NAV3: variants seen among roughly 807,000 people sequenced by gnomAD.
The protein encoded by NAV3 is neuron navigator 3.
In NAV3, 87 loss-of-function variants were observed where a neutral mutation model predicts 244.7. That is an observed-to-expected ratio of 0.36 (90% CI 0.30 to 0.42). NAV3 has a LOEUF of 0.42. Ranked by LOEUF, NAV3 falls within the 20% of genes least tolerant of loss-of-function variation. NAV3 has a pLI of 1.00. For missense variants in NAV3, 2,663 were observed against 2,893.3 expected, an observed-to-expected ratio of 0.92 and a Z score of 1.83; for synonymous variants, 1,126 against 1,042.2, an observed-to-expected ratio of 1.08 and a Z score of -1.55.
At chr12:78,104,213 T>C (rs1954685734) in intron 12 of NAV3, among the ~76,000 whole-genome samples, 1 of 152,198 alleles carries the variant, frequency 6.6e-6, no homozygotes, top group African/African-American at 2.4e-5. Flanking sequence ...GTTTTACATG[T>C]ACATGTGTAA....
At chr12:78,189,708 C>G (rs931776460) in intron 33 of NAV3, among the ~76,000 whole-genome samples, 4 of 151,832 alleles carry the variant, frequency 2.6e-5, no homozygotes, top group African/African-American at 7.2e-5. Context: ...CCATTTCTCT[C>G]TGGAAACATA....
intron 12 of NAV3, among the ~76,000 whole-genome samples, chr12:78,094,037 G>A (rs73143948): frequency 0.015 from 2,307 of 152,100 alleles, 17 homozygotes; most frequent in Middle Eastern, 0.024. Flanking sequence ...ATGAAGTCTC[G>A]CCATGTGGCC....
chr12:77,817,036 T>A (rs887005976), intron 2 of NAV3, among the ~76,000 whole-genome samples: 1 of 152,210 alleles, frequency 6.6e-6, no homozygotes, highest in Non-Finnish European at 1.5e-5. Context: ...CTCTGGTAGT[T>A]CTTTTTCATT....
At chr12:78,051,277 CAG>C (rs1882722017) in intron 11 of NAV3, 130 bp downstream of exon 11, 1 of 1,039,438 alleles carries the variant, frequency 9.6e-7, no homozygotes, top group African/African-American at 1.6e-5. Flanking sequence ...TGAGGTTATT[CAG>C]AGTGTTGAAG....
chr12:77,995,337 T>G (rs1872176380), intron 6 of NAV3, among the ~76,000 whole-genome samples: 1 of 152,220 alleles, frequency 6.6e-6, no homozygotes, highest in Non-Finnish European at 1.5e-5. Context: ...TATAATAGTT[T>G]AATTTTTTTG....
chr12:77,786,719 C>A (rs1045236257), intron 2 of NAV3, among the ~76,000 whole-genome samples: 1 of 152,072 alleles, frequency 6.6e-6, no homozygotes, highest in Admixed American at 6.6e-5. Flanking sequence ...AGTTTTAAAT[C>A]GCCCTCTTTT....
intron 2 of NAV3, among the ~76,000 whole-genome samples, chr12:77,622,365 T>A (rs2136877082): frequency 6.6e-6 from 1 of 151,960 alleles, no homozygotes; most frequent in African/African-American, 2.4e-5. Flanking sequence ...TTCACCGTGT[T>A]AGCCAGGATG....
intron 2 of NAV3, among the ~76,000 whole-genome samples, chr12:77,817,980 G>A (rs1872585235): frequency 6.6e-6 from 1 of 152,084 alleles, no homozygotes; most frequent in South Asian, 2.1e-4. Context: ...TATTGAGATA[G>A]TACTTTTGAG....
chr12:78,137,126 T>A, intron 18 of NAV3, 51 bp from the exon 19 acceptor site: 1 of 1,513,934 alleles, frequency 6.6e-7, no homozygotes, highest in Non-Finnish European at 8.9e-7. Flanking sequence ...AACCTGCTAT[T>A]TTCATCTTTC....
intron 11 of NAV3, among the ~76,000 whole-genome samples, chr12:78,055,729 G>A (rs1883403750): frequency 6.6e-6 from 1 of 152,174 alleles, no homozygotes; most frequent in Non-Finnish European, 1.5e-5. Context: ...AGGCCTGGAA[G>A]TCATGCATAT....
chr12:77,861,798 A>G (rs1474270999), intron 1 of NAV3, among the ~76,000 whole-genome samples: 1 of 151,784 alleles, frequency 6.6e-6, no homozygotes, highest in Non-Finnish European at 1.5e-5. Flanking sequence ...ACTATTCTAT[A>G]TTTTATCATT....
At chr12:77,586,687 G>C (rs1869629900) in intron 2 of NAV3, among the ~76,000 whole-genome samples, 1 of 152,302 alleles carries the variant, frequency 6.6e-6, no homozygotes, top group East Asian at 1.9e-4. Flanking sequence ...GACTGATACA[G>C]TATCCACTCG....
At chr12:77,840,034 C>G (rs905912674) in intron 1 of NAV3, among the ~76,000 whole-genome samples, 14 of 152,048 alleles carry the variant, frequency 9.2e-5, no homozygotes, top group Non-Finnish European at 2.1e-4. Flanking sequence ...GATCGCGCCA[C>G]TGTACTCCAG....
chr12:77,604,391 A>G (rs182885085), intron 2 of NAV3, among the ~76,000 whole-genome samples: 35 of 152,258 alleles, frequency 2.3e-4, no homozygotes, highest in Admixed American at 7.2e-4. Context: ...AGGAACAAAA[A>G]GAGGATTAAC....
intron 2 of NAV3, among the ~76,000 whole-genome samples, chr12:77,683,749 C>T (rs1377507514): frequency 6.6e-6 from 1 of 151,684 alleles, no homozygotes; most frequent in Non-Finnish European, 1.5e-5. Context: ...TTTTGAGATT[C>T]TTTTGTTTAC....
At chr12:77,915,576 A>G (rs1013586952) in intron 1 of NAV3, among the ~76,000 whole-genome samples, 1 of 150,200 alleles carries the variant, frequency 6.7e-6, no homozygotes, top group African/African-American at 2.4e-5. Context: ...TAGATAGTAT[A>G]TTATTAGCAT....
At chr12:77,620,538 C>T (rs1162039153) in intron 2 of NAV3, among the ~76,000 whole-genome samples, 2 of 152,016 alleles carry the variant, frequency 1.3e-5, no homozygotes, top group African/African-American at 4.8e-5. Context: ...TCTCGGCTCA[C>T]TGCAATCTCC....
chr12:77,909,980 T>C (rs987633489), intron 1 of NAV3, among the ~76,000 whole-genome samples: 2 of 152,132 alleles, frequency 1.3e-5, no homozygotes, highest in Non-Finnish European at 2.9e-5. Context: ...GAGACATCTT[T>C]ACAATGTTCC....
At chr12:78,056,751 G>A (rs186235011) in intron 11 of NAV3, among the ~76,000 whole-genome samples, 15 of 152,038 alleles carry the variant, frequency 9.9e-5, no homozygotes, top group African/African-American at 3.1e-4. Context: ...TTTATGCTAC[G>A]AGTCATGAAA....
Sources: allele counts gnomAD v4.1 joint callset (sites outside exome capture counted in the v4.1 genomes callset), GRCh38; gene constraint gnomAD v4.1.1; transcripts MANE v1.5; gene names NCBI Gene and HGNC (gene_info 2026-07-23, HGNC 2026-07-21).